Variants in SFRP4 observed in about 807,000 individuals in gnomAD.
SFRP4 encodes secreted frizzled-related protein 4.
SFRP4 carries 25 observed loss-of-function variants against 36.3 expected under a neutral mutation model. The ratio of observed to expected loss-of-function variants is 0.69; its 90% CI spans 0.50 to 0.96. The LOEUF (loss-of-function observed/expected upper bound fraction) is 0.96. SFRP4 is among the 40% of genes least tolerant of loss of function. The pLI, the probability that SFRP4 is intolerant of heterozygous loss-of-function variation, is 0.00. For missense variants in SFRP4, 487 were observed against 459.6 expected (o/e 1.06, Z -0.54); for synonymous variants, 182 against 168.8 (o/e 1.08, Z -0.60).
At chr7:37,907,818 G>C (rs1051716255) in intron 5 of SFRP4, among the ~76,000 whole-genome samples, 154 bp from the exon 6 acceptor site, 2 of 152,164 alleles carry the variant, frequency 1.3e-5, no homozygotes, top group African/African-American at 4.8e-5. Flanking sequence ...TCATGTACCA[G>C]GTGACTTGGA....
In SFRP4 at chr7:37,916,438, G is replaced by A; in HGVS notation, c.100C>T (p.His34Tyr). 1.2e-6 allele frequency: 2 copies of A among 1,613,992 alleles called. No homozygotes were observed. The highest frequency in any genetic ancestry group is 1.6e-4 in the Middle Eastern group (1 of 6,062). The change falls in exon 1 of 6, where the codon CAC (histidine) becomes TAC (tyrosine). Residue 34 changes from histidine to tyrosine, a missense_variant. Coordinates refer to ENST00000436072, the MANE Select transcript of SFRP4 (RefSeq NM_003014.4). The surrounding 1 kb of genome is among the most constrained non-coding windows in gnomAD (Gnocchi z 4.1). ...ATCCGCGTGATGTTCCAGGGCATGTGCCGGCACATAGGGATGCGCACCGCC... is the reference window on the plus strand; with the variant it reads ...ATCCGCGTGATGTTCCAGGGCATGTACCGGCACATAGGGATGCGCACCGCC... Reference protein sequence around the residue: ...CEAVRIPMCRHMPWNITRMPN... With the variant: ...CEAVRIPMCRYMPWNITRMPN...
chr7:37,913,283 T>C (rs1179982133), intron 3 of SFRP4, among the ~76,000 whole-genome samples: 1 of 152,258 alleles, frequency 6.6e-6, no homozygotes, highest in Non-Finnish European at 1.5e-5. Flanking sequence ...GCTTATTTTT[T>C]TTCAGATTTC....
Position 37,916,280 on chromosome 7 carries a change from G to A in SFRP4, c.258C>T (p.Thr86=). 6.2e-7 allele frequency: 1 copy of A among 1,614,192 alleles called. No homozygotes were observed. Among genetic ancestry groups the A allele is most frequent in the Admixed American group, 1.7e-5 (1 of 60,024 alleles). Residue 86 remains threonine (T), a synonymous_variant, in exon 1 of 6, where the codon ACC becomes ACT. Coordinates refer to ENST00000436072, the MANE Select transcript of SFRP4 (RefSeq NM_003014.4). The surrounding 1 kb of genome is among the most constrained non-coding windows in gnomAD (Gnocchi z 4.1). ...TGATAGGGTCGTGCAGGAACTCCAG[G>A]GTGCAAATGGGCGCGTACATGGCAC... ...FLCAMYAPIC[T]LEFLHDPIKP...
In SFRP4 at chr7:37,916,176, T is replaced by A; in HGVS notation, c.362A>T (p.Glu121Val). 6.2e-7 allele frequency: 1 copy of A among 1,614,136 alleles called. No individual in the cohort carries two copies. The highest frequency in any genetic ancestry group is 8.5e-7 in the Non-Finnish European group (1 of 1,180,040). ...AGGCAGCTCGTCGCAGGCCAGGCTT[T>A]CGGGCCAGCTGTGGTTGTACATCTT... ...LMKMYNHSWP[E>V]SLACDELPVY... The change falls in exon 1 of 6, where the codon GAA becomes GTA. Residue 121 changes from glutamate (E) to valine (V), a missense_variant. Physicochemically the swap from Glu to Val is moderately radical, Grantham distance 121 (BLOSUM62 -2). Coordinates refer to ENST00000436072, the MANE Select transcript of SFRP4 (RefSeq NM_003014.4). This position sits in a 1 kb window ranked among gnomAD's most constrained non-coding sequence, Gnocchi z 4.1.
At chr7:37,911,955 T>G (rs1214198822) in intron 4 of SFRP4, among the ~76,000 whole-genome samples, 164 bp downstream of exon 4, 3 of 152,246 alleles carry the variant, frequency 2.0e-5, no homozygotes, top group African/African-American at 7.2e-5. Flanking sequence ...CTATGAAGAA[T>G]TAATTGATAG....
intron 3 of SFRP4, 126 bp downstream of exon 3, chr7:37,914,087 T>C (rs1198407259): frequency 1.3e-5 from 9 of 717,968 alleles, no homozygotes; most frequent in Non-Finnish European, 1.9e-5. Flanking sequence ...CATGATCAAC[T>C]GGAAAAATAG....
In SFRP4 at chr7:37,916,657, T is replaced by G; in HGVS notation, c.-120A>C. On this transcript the variant is annotated 5_prime_UTR_variant, in exon 1 of 6. Coordinates refer to ENST00000436072, the MANE Select transcript of SFRP4 (RefSeq NM_003014.4). This position sits in a 1 kb window ranked among gnomAD's most constrained non-coding sequence, Gnocchi z 4.1. Reference sequence around the variant, plus strand: ...ATCCTCTGGGGCGCAGGAGAGTTTCTTCCCCCAAACTCCAGTCGGCAGCAA... The same window carrying G: ...ATCCTCTGGGGCGCAGGAGAGTTTCGTCCCCCAAACTCCAGTCGGCAGCAA... 1 of 1,413,468 alleles carries G rather than the reference T, an allele frequency of 7.1e-7. No individual in the cohort carries two copies. 87.6% of individuals were successfully genotyped at this position (1,413,468 alleles called of 1,614,324 possible).
chr7:37,906,909 TG>T lies in SFRP4; in HGVS notation c.*569del, dbSNP rs1295899205. ...AAAAGACACATTATAGTTTTCCATA[TG>T]CTACTTCTCTAGATTTTTCAAAAAA... On this transcript the variant is annotated 3_prime_UTR_variant, in exon 6 of 6. Coordinates refer to ENST00000436072, the MANE Select transcript of SFRP4 (RefSeq NM_003014.4). The T allele has an allele frequency of 6.6e-6, 1 of 152,210 alleles. No individual in the cohort carries two copies. The highest frequency in any genetic ancestry group is 1.5e-5 in the Non-Finnish European group (1 of 68,034). 9.4% of individuals were successfully genotyped at this position (152,210 alleles called of 1,614,324 possible). A position where few individuals can be genotyped will look rare whatever the true frequency, so the allele number is the denominator to read the frequency against.
chr7:37,908,014 C>G (rs1209139167), intron 5 of SFRP4, among the ~76,000 whole-genome samples: 1 of 152,188 alleles, frequency 6.6e-6, no homozygotes, highest in South Asian at 2.1e-4. Context: ...CTGAGGCCCT[C>G]ACCCATGCAC....
intron 1 of SFRP4, among the ~76,000 whole-genome samples, chr7:37,914,907 C>CGGCAT (rs1785549894): frequency 6.6e-6 from 1 of 152,132 alleles, no homozygotes; most frequent in South Asian, 2.1e-4. Context: ...TAAGTAAAAA[C>CGGCAT]GGCATGTGAT....
rs1214171114 is a variant in SFRP4 at position 37,916,115 on chromosome 7, G to A, written c.423C>T (p.Ala141=). The change falls in exon 1 of 6, where the codon GCC becomes GCT. Residue 141 remains alanine (A), a synonymous_variant. Coordinates refer to ENST00000436072, the MANE Select transcript of SFRP4 (RefSeq NM_003014.4). This position sits in a 1 kb window ranked among gnomAD's most constrained non-coding sequence, Gnocchi z 4.1. The part of the protein sequence containing the change: ...YDRGVCISPE[A]IVTDLPEDVK... ...CACCCTCCGGGAGGTCCGTGACGAT[G>A]GCTTCAGGCGAGATGCACACGCCAC... The A allele has an allele frequency of 1.9e-6, 3 of 1,612,468 alleles. No homozygotes were observed. Among genetic ancestry groups the A allele is most frequent in the African/African-American group, 1.3e-5 (1 of 74,864 alleles).
intron 4 of SFRP4, among the ~76,000 whole-genome samples, chr7:37,911,680 C>T (rs1450855): frequency 0.22 from 32,696 of 151,952 alleles, 3,884 homozygotes; most frequent in South Asian, 0.4. Flanking sequence ...TGTTTGTTTG[C>T]AATACTCTAT....
chr7:37,912,003 AT>A (rs1785495263), intron 4 of SFRP4, 115 bp downstream of exon 4: 4 of 726,420 alleles, frequency 5.5e-6, no homozygotes, highest in East Asian at 2.6e-5. Context: ...TGTTAAACTA[AT>A]TTTTTTAAAA....
intron 1 of SFRP4, among the ~76,000 whole-genome samples, chr7:37,915,478 T>C (rs186185057): frequency 1.1e-4 from 16 of 152,306 alleles, no homozygotes; most frequent in African/African-American, 3.9e-4. Flanking sequence ...TCTCCTTCTT[T>C]TTAGAAAAGC....
rs1785415500 is a variant in SFRP4 at position 37,907,525 on chromosome 7, A to G, written c.995T>C (p.Ile332Thr). 3 of 1,613,898 alleles carry G rather than the reference A, an allele frequency of 1.9e-6. No homozygotes were observed. The highest frequency in any genetic ancestry group is 2.5e-6 in the Non-Finnish European group (3 of 1,179,870). ...TCTCTTCTGGGCACTCCTAGTTTTAATGTTCTTCTTGGGACTGGCTGGTTT... is the reference window on the plus strand; with the variant it reads ...TCTCTTCTGGGCACTCCTAGTTTTAGTGTTCTTCTTGGGACTGGCTGGTTT... The part of the protein sequence containing the change: ...APKPASPKKN[I>T]KTRSAQKRTN... Residue 332 changes from isoleucine (I) to threonine (T), a missense_variant, in exon 6 of 6, where the codon ATT becomes ACT. By Grantham distance (89) the Ile-to-Thr change is moderately conservative. Coordinates refer to ENST00000436072, the MANE Select transcript of SFRP4 (RefSeq NM_003014.4).
rs1246378644 is a variant in SFRP4, at chr7:37,916,284, C to T, written c.254G>A (p.Cys85Tyr). 1 of 1,614,194 alleles carries T rather than the reference C, an allele frequency of 6.2e-7. No homozygotes were observed. The highest frequency in any genetic ancestry group is 8.5e-7 in the Non-Finnish European group (1 of 1,180,036). Residue 85 changes from cysteine (C) to tyrosine (Y), a missense_variant, in exon 1 of 6, where the codon TGC (cysteine) becomes TAC (tyrosine). Physicochemically the swap from Cys to Tyr is radical, Grantham distance 194. Transcript: ENST00000436072. This position sits in a 1 kb window ranked among gnomAD's most constrained non-coding sequence, Gnocchi z 4.1. ...AGGGTCGTGCAGGAACTCCAGGGTG[C>T]AAATGGGCGCGTACATGGCACAGAG... ...FFLCAMYAPI[C>Y]TLEFLHDPIK...
chr7:37,907,297 G>A lies in SFRP4; in HGVS notation c.*182C>T. The A allele has an allele frequency of 1.9e-6, 1 of 535,466 alleles. No homozygotes were observed. Among genetic ancestry groups the A allele is most frequent in the South Asian group, 3.2e-5 (1 of 31,490 alleles). 33.2% of individuals were successfully genotyped at this position (535,466 alleles called of 1,614,324 possible). A position where few individuals can be genotyped will look rare whatever the true frequency, so the allele number is the denominator to read the frequency against. On this transcript the variant is annotated 3_prime_UTR_variant, in exon 6 of 6. Transcript: ENST00000436072. The stretch of plus-strand genomic sequence containing the variant: ...GGGCAAACCTACCACTATGGCTTGT[G>A]ATGGCTTACAAAGAAAAACTGAAGC...
At chr7:37,914,332 AGAG>A (rs1785542078) in intron 2 of SFRP4, 38 bp downstream of exon 2, 2 of 1,609,964 alleles carry the variant, frequency 1.2e-6, no homozygotes, top group African/African-American at 1.3e-5. Flanking sequence ...ATCACTCTGG[AGAG>A]GAGAAGTAGA....
At position 37,906,153 on chromosome 7, in the gene SFRP4, T is replaced by A. The variant is rs1341960029; in HGVS notation, c.*1326A>T. 1 of 152,188 alleles carries A rather than the reference T, an allele frequency of 6.6e-6. No homozygotes were observed. Among genetic ancestry groups the A allele is most frequent in the Admixed American group, 6.5e-5 (1 of 15,278 alleles). 9.4% of individuals were successfully genotyped at this position (152,188 alleles called of 1,614,324 possible). ...ATAGCAGGTTCCTAGTTTTATTTGT[T>A]CAAATCATTTTATAAGTGCATAAGA... On this transcript the variant is annotated 3_prime_UTR_variant, in exon 6 of 6. Coordinates refer to ENST00000436072, the MANE Select transcript of SFRP4 (RefSeq NM_003014.4).
Sources: allele counts gnomAD v4.1 joint callset (sites outside exome capture counted in the v4.1 genomes callset), GRCh38; gene constraint gnomAD v4.1.1; non-coding constraint Gnocchi (gnomAD v3.1); transcripts MANE v1.5; gene names NCBI Gene and HGNC (gene_info 2026-07-23, HGNC 2026-07-21).